Variants in LRRC45 observed in about 807,000 individuals in gnomAD.
The protein encoded by LRRC45 is leucine rich repeat containing 45.
Under a neutral mutation model 85.4 loss-of-function variants are expected in LRRC45, and 73 were observed. The observed-to-expected ratio is 0.85, with a 90% CI of 0.71 to 1.04. The LOEUF (loss-of-function observed/expected upper bound fraction) is 1.04, where lower values mean the gene tolerates loss of function less well. Ranked by LOEUF, LRRC45 falls within the 50% of genes least tolerant of loss-of-function variation. The probability of loss-of-function intolerance (pLI) is 0.00; values close to 1 mark genes in which losing one functional copy is unlikely to be tolerated. For synonymous variants in LRRC45, 429 were observed against 386.0 expected, an observed-to-expected ratio of 1.11 and a Z score of -1.31; for missense variants, 937 against 883.3, an observed-to-expected ratio of 1.06 and a Z score of -0.77.
chr17:82,023,554 G>T lies in LRRC45; in HGVS notation c.-90G>T, dbSNP rs1050921891. 1.1e-5 allele frequency: 13 copies of T among 1,237,508 alleles called. No individual in the cohort carries two copies. The African/African-American group carries it at 1.4e-4, about 13-fold the overall frequency. The allele number at this position is 1,237,508 out of a possible 1,614,324, so 76.7% of individuals were successfully genotyped here. A position where few individuals can be genotyped will look rare whatever the true frequency, so the allele number is the denominator to read the frequency against. On this transcript the variant is annotated 5_prime_UTR_variant, in exon 1 of 17. Coordinates refer to ENST00000306688, the MANE Select transcript of LRRC45 (RefSeq NM_144999.4). ...CGGGTCGGCGGAGGCCCCGTCTCCTGTACCCGGCGCTGGGACTGCTCCGCA... is the reference window on the plus strand; with the variant it reads ...CGGGTCGGCGGAGGCCCCGTCTCCTTTACCCGGCGCTGGGACTGCTCCGCA...
intron 5 of LRRC45, among the ~76,000 whole-genome samples, chr17:82,026,013 TG>T (rs1250054229): frequency 2.6e-5 from 4 of 152,314 alleles, no homozygotes; most frequent in Non-Finnish European, 5.9e-5. Flanking sequence ...CAGACTCAGC[TG>T]GGGACTTTGC....
intron 6 of LRRC45, 34 bp downstream of exon 6, chr17:82,027,045 C>T (rs772000595): frequency 6.5e-7 from 1 of 1,529,836 alleles, no homozygotes; most frequent in Non-Finnish European, 8.9e-7. Context: ...CTTGGAGCTG[C>T]TTATGGCTGG....
Position 82,027,979 on chromosome 17 carries a change from C to T in LRRC45, c.912-32C>T, listed in dbSNP as rs542965854. The stretch of plus-strand genomic sequence containing the variant: ...TTTATAAGGCAAGTGAAACTCCAAC[C>T]GGGGCGGGGGTGCTGCCCCTCCTTT... On this transcript the variant is annotated intron_variant, in intron 8 of 16. Coordinates refer to ENST00000306688, the MANE Select transcript of LRRC45 (RefSeq NM_144999.4). The T allele has an allele frequency of 6.4e-5, 101 of 1,568,196 alleles. 1 individual carries two copies. Among genetic ancestry groups the T allele is most frequent in the East Asian group, 4.7e-4 (21 of 44,416 alleles).
At chr17:82,026,841 A>C in intron 5 of LRRC45, 58 bp from the exon 6 acceptor site, 1 of 1,442,156 alleles carries the variant, frequency 6.9e-7, no homozygotes, top group South Asian at 1.2e-5. Flanking sequence ...CGACCTCCCA[A>C]AGTGCTGGGA....
At chr17:82,024,824 C>T in intron 3 of LRRC45, 61 bp downstream of exon 3, 2 of 1,514,988 alleles carry the variant, frequency 1.3e-6, no homozygotes, top group Non-Finnish European at 1.8e-6. Flanking sequence ...GCCCCGAGCA[C>T]ATGCTTCTGC....
intron 6 of LRRC45, 116 bp downstream of exon 6, chr17:82,027,127 C>T (rs888626117): frequency 4.1e-6 from 4 of 978,724 alleles, no homozygotes; most frequent in African/African-American, 1.6e-5. Context: ...GCCCTGGAGC[C>T]TCTCTGAGTG....
At chr17:82,026,782 G>A (rs1222088845) in intron 5 of LRRC45, 117 bp from the exon 6 acceptor site, 5 of 705,006 alleles carry the variant, frequency 7.1e-6, no homozygotes, top group Admixed American at 2.1e-5. Context: ...GTTTCACCAT[G>A]TTGGCCAGGC....
intron 5 of LRRC45, among the ~76,000 whole-genome samples, chr17:82,026,495 C>T (rs1040220163): frequency 2.6e-5 from 4 of 152,066 alleles, no homozygotes; most frequent in Admixed American, 1.3e-4. Flanking sequence ...AGCAGCCAGC[C>T]GCTGGGTGCA....
In LRRC45 at chr17:82,030,303, C is replaced by G; in HGVS notation, c.1669-16C>G. 2.6e-6 allele frequency: 4 copies of G among 1,547,104 alleles called. No homozygotes were observed. Among genetic ancestry groups the G allele is most frequent in the Non-Finnish European group, 2.6e-6 (3 of 1,144,782 alleles). On this transcript the variant is annotated splice_polypyrimidine_tract_variant and intron_variant, in intron 15 of 16. Transcript: ENST00000306688. ...CCCCAACCCTCGCCTCACTCCCCAG[C>G]CTTCGTGCCTGGCAGGAGCTGAGCC...
At position 82,030,665 on chromosome 17, in the gene LRRC45, C is replaced by G. The variant is rs2043411410; in HGVS notation, c.1873C>G (p.Leu625Val). Residue 625 changes from leucine (L) to valine (V), a missense_variant, in exon 17 of 17, where the codon CTC becomes GTC. Transcript: ENST00000306688. ...GGACAGGGAGAGCGAGAACGCGTCTCTCCGGGAGAAGCTGCGGCTCCGGGA... is the reference window on the plus strand; with the variant it reads ...GGACAGGGAGAGCGAGAACGCGTCTGTCCGGGAGAAGCTGCGGCTCCGGGA... ...LLDRESENAS[L>V]REKLRLREAE... 1 of 1,461,294 alleles carries G rather than the reference C, an allele frequency of 6.8e-7. No homozygotes were observed. Among genetic ancestry groups the G allele is most frequent in the Non-Finnish European group, 9.1e-7 (1 of 1,098,342 alleles). 90.5% of individuals were successfully genotyped at this position (1,461,294 alleles called of 1,614,324 possible).
At position 82,030,054 on chromosome 17, in the gene LRRC45, T is replaced by C. The variant is rs369571381; in HGVS notation, c.1495-11T>C. On this transcript the variant is annotated splice_polypyrimidine_tract_variant and intron_variant, in intron 14 of 16. Transcript: ENST00000306688. ...GCCCCTCATGCTTCGTGGCGGCCCC[T>C]GTGCTCACAGCAACAGCGCCTGGCT... 4.5e-4 allele frequency: 686 copies of C among 1,541,160 alleles called. 2 individuals are homozygous for C. In the African/African-American group the frequency reaches 7.7e-3, roughly 17 times the overall value.
At chr17:82,029,297 C>A in intron 13 of LRRC45, 112 bp downstream of exon 13, 1 of 1,114,646 alleles carries the variant, frequency 9.0e-7, no homozygotes, top group Non-Finnish European at 1.3e-6. Context: ...TTCCCAGAGG[C>A]TCATAGGCCC....
chr17:82,029,507 A>C, intron 13 of LRRC45, 36 bp from the exon 14 acceptor site: 2 of 1,546,638 alleles, frequency 1.3e-6, no homozygotes, highest in Non-Finnish European at 1.7e-6. Flanking sequence ...TGGGCCAGGG[A>C]CAGGAGAACG....
chr17:82,027,998 C>A lies in LRRC45; in HGVS notation c.912-13C>A. On this transcript the variant is annotated splice_polypyrimidine_tract_variant and intron_variant, in intron 8 of 16. Transcript: ENST00000306688. ...TCCAACCGGGGCGGGGGTGCTGCCC[C>A]TCCTTTCTGCAGGCTGCAGATGACA... 6.3e-7 allele frequency: 1 copy of A among 1,590,528 alleles called. No homozygotes were observed. The highest frequency in any genetic ancestry group is 8.5e-7 in the Non-Finnish European group (1 of 1,169,974).
At chr17:82,029,485 A>G in intron 13 of LRRC45, 58 bp from the exon 14 acceptor site, 1 of 1,522,830 alleles carries the variant, frequency 6.6e-7, no homozygotes. Flanking sequence ...TGGGCCAGAG[A>G]GAGAAGGGCC....
Position 82,029,090 on chromosome 17 carries a change from C to T in LRRC45, c.1309-3C>T. On this transcript the variant is annotated splice_region_variant and splice_polypyrimidine_tract_variant and intron_variant, in intron 12 of 16. Transcript: ENST00000306688. ...TGGCCCCACAATCCCTGCCCCTGAG[C>T]AGGTGGAGCATATGACCCGTCACCT... The T allele has an allele frequency of 6.2e-7, 1 of 1,611,828 alleles. No homozygotes were observed. The highest frequency in any genetic ancestry group is 8.5e-7 in the Non-Finnish European group (1 of 1,179,608).
rs539437564 is a variant in LRRC45 at position 82,029,259 on chromosome 17, C to A, written c.1401+74C>A. ...ACAAGGCAGGGGCCCCTGGTGTTCG[C>A]CGCCTCAGGACCAGAGACCTCTTCC... On this transcript the variant is annotated intron_variant, in intron 13 of 16. Coordinates refer to ENST00000306688, the MANE Select transcript of LRRC45 (RefSeq NM_144999.4). 23 of 1,409,254 alleles carry A rather than the reference C, an allele frequency of 1.6e-5. No individual in the cohort carries two copies. In the East Asian group the frequency reaches 2.9e-4, roughly 18 times the overall value. The allele number at this position is 1,409,254 out of a possible 1,614,324, so 87.3% of individuals were successfully genotyped here. A position where few individuals can be genotyped will look rare whatever the true frequency, so the allele number is the denominator to read the frequency against.
At chr17:82,024,121 A>C (rs763856538) in intron 1 of LRRC45, 157 bp from the exon 2 acceptor site, 1 of 904,798 alleles carries the variant, frequency 1.1e-6, no homozygotes, top group South Asian at 1.7e-5. Flanking sequence ...AGGTGTTTCA[A>C]ACATGACTTC....
At position 82,027,444 on chromosome 17, in the gene LRRC45, G is replaced by A. The variant is rs1350965359; in HGVS notation, c.833G>A (p.Arg278Lys). ...KQREEMAKSS[R>K]ASAARVGQLQ... is the part of the protein sequence containing the mutation. Reference sequence around the variant, plus strand: ...CGAGAAGAGATGGCCAAGAGCAGCAGGTGAGCGGGCCCAGGGCAGGGGCAG... The same window carrying A: ...CGAGAAGAGATGGCCAAGAGCAGCAAGTGAGCGGGCCCAGGGCAGGGGCAG... Residue 278 changes from arginine (R) to lysine (K), a missense_variant and splice_region_variant, in exon 7 of 17, where the codon AGG becomes AAG. Physicochemically the swap from Arg to Lys is conservative, Grantham distance 26. Coordinates refer to ENST00000306688, the MANE Select transcript of LRRC45 (RefSeq NM_144999.4). 1 of 1,612,730 alleles carries A rather than the reference G, an allele frequency of 6.2e-7. No homozygotes were observed. Among genetic ancestry groups the A allele is most frequent in the East Asian group, 2.2e-5 (1 of 44,880 alleles).
Sources: gnomAD v4.1 joint callset for allele counts (sites outside exome capture counted in the v4.1 genomes callset) on GRCh38, gnomAD v4.1.1 for gene constraint, MANE v1.5 for transcripts, NCBI Gene and HGNC (gene_info 2026-07-23, HGNC 2026-07-21) for gene names.